Variants in SHB observed in about 807,000 individuals in gnomAD.
SHB encodes the protein SH2 domain containing adaptor protein B.
SHB carries 20 observed loss-of-function variants against 52.3 expected under a neutral mutation model. That is an observed-to-expected ratio of 0.38 (90% CI 0.27 to 0.56). SHB has a LOEUF of 0.56. Ranked by LOEUF, SHB falls within the 20% of genes least tolerant of loss-of-function variation. The probability of loss-of-function intolerance (pLI) is 0.71; values close to 1 mark genes in which losing one functional copy is unlikely to be tolerated. For missense variants in SHB, 825 were observed against 723.3 expected (o/e 1.14, Z -1.61); for synonymous variants, 397 against 316.5 (o/e 1.25, Z -2.70).
intron 2 of SHB, among the ~76,000 whole-genome samples, chr9:37,997,259 C>T (rs914481865): frequency 4.6e-5 from 7 of 152,198 alleles, no homozygotes; most frequent in African/African-American, 1.7e-4. Context: ...TACATGACAC[C>T]CACCTCTGAG....
chr9:37,928,845 C>T (rs1458991324), intron 5 of SHB, among the ~76,000 whole-genome samples: 4 of 152,238 alleles, frequency 2.6e-5, no homozygotes, highest in African/African-American at 4.8e-5. Context: ...AGGACAGGAC[C>T]CCCTAGTCCC....
chr9:38,006,684 C>T (rs149182169), intron 2 of SHB, among the ~76,000 whole-genome samples: 17 of 152,326 alleles, frequency 1.1e-4, no homozygotes, highest in African/African-American at 3.8e-4. Context: ...GGCCTGAGCC[C>T]TCGCTGACAA....
intron 1 of SHB, among the ~76,000 whole-genome samples, chr9:38,016,419 C>T (rs1021027920): frequency 1.3e-5 from 2 of 152,178 alleles, no homozygotes; most frequent in Non-Finnish European, 2.9e-5. Flanking sequence ...GGTAACAATG[C>T]ACACTAAGCA....
intron 4 of SHB, among the ~76,000 whole-genome samples, chr9:37,952,152 CAG>C (rs142445683): frequency 0.025 from 3,788 of 152,256 alleles, 69 homozygotes; most frequent in African/African-American, 0.054. Context: ...GAAGAGTCAA[CAG>C]AGAGATACAG....
At chr9:38,062,514 T>A (rs1029919626) in intron 1 of SHB, among the ~76,000 whole-genome samples, 2 of 151,996 alleles carry the variant, frequency 1.3e-5, no homozygotes, top group Non-Finnish European at 2.9e-5. Context: ...TCCTGCTTTT[T>A]CTTGGAACCC....
At chr9:38,022,411 G>A (rs1403231662) in intron 1 of SHB, among the ~76,000 whole-genome samples, 1 of 152,242 alleles carries the variant, frequency 6.6e-6, no homozygotes, top group Non-Finnish European at 1.5e-5. Flanking sequence ...ACACAGGCCT[G>A]TCATTGACTG....
At chr9:37,962,406 A>G (rs1251597668) in intron 3 of SHB, among the ~76,000 whole-genome samples, 1 of 152,242 alleles carries the variant, frequency 6.6e-6, no homozygotes, top group East Asian at 1.9e-4. Flanking sequence ...CACCTGGCTC[A>G]GCAGGACTGT....
chr9:37,966,416 T>C (rs543366386), intron 3 of SHB, among the ~76,000 whole-genome samples: 14 of 152,200 alleles, frequency 9.2e-5, no homozygotes, highest in Admixed American at 3.3e-4. Flanking sequence ...TTAAGATTAC[T>C]AAATGAATTT....
At chr9:38,022,034 C>T (rs1473436588) in intron 1 of SHB, among the ~76,000 whole-genome samples, 2 of 152,202 alleles carry the variant, frequency 1.3e-5, no homozygotes, top group African/African-American at 4.8e-5. Flanking sequence ...CAAAGCAAAC[C>T]GCATATGAAT....
chr9:37,987,821 G>C (rs1820830169), intron 2 of SHB, among the ~76,000 whole-genome samples: 1 of 152,174 alleles, frequency 6.6e-6, no homozygotes, highest in African/African-American at 2.4e-5. Context: ...GCCAACACAG[G>C]CTGCTGGTGC....
At chr9:37,967,883 C>T (rs1362547259) in intron 3 of SHB, among the ~76,000 whole-genome samples, 1 of 152,210 alleles carries the variant, frequency 6.6e-6, no homozygotes, top group African/African-American at 2.4e-5. Flanking sequence ...GCCCTGGGGA[C>T]CCTCTCCCAC....
intron 1 of SHB, among the ~76,000 whole-genome samples, chr9:38,045,398 C>T (rs896514463): frequency 1.3e-5 from 2 of 151,928 alleles, no homozygotes; most frequent in African/African-American, 4.8e-5. Context: ...GCCAGGAGTT[C>T]GAGACCAGCT....
At position 38,068,599 on chromosome 9, in the gene SHB, G is replaced by A. The variant is rs762995098; in HGVS notation, c.47C>T (p.Thr16Ile). 6.7e-7 allele frequency: 1 copy of A among 1,495,236 alleles called. No homozygotes were observed. Among genetic ancestry groups the A allele is most frequent in the Non-Finnish European group, 8.8e-7 (1 of 1,133,634 alleles). The allele number at this position is 1,495,236 out of a possible 1,614,324, so 92.6% of individuals were successfully genotyped here. ...CCGCGGCGGCTGCGGGGGGCTCTTG[G>A]TCTTGCTGTTGCCCAAGCTGAAGTA... is the stretch of plus-strand genomic sequence containing the variant. ...NKYFSLGNSK[T>I]KSPPQPPRPD... is the part of the protein sequence containing the mutation. Residue 16 changes from threonine (T) to isoleucine (I), a missense_variant, in exon 1 of 6, where the codon ACC (threonine) becomes ATC (isoleucine). Thr to Ile is a moderately conservative substitution (Grantham distance 89). Transcript: ENST00000377707.
At chr9:37,967,669 TGG>T (rs896518950) in intron 3 of SHB, among the ~76,000 whole-genome samples, 5 of 152,228 alleles carry the variant, frequency 3.3e-5, no homozygotes, top group African/African-American at 1.2e-4. Flanking sequence ...CAGCATCACC[TGG>T]GAACCTGTTG....
intron 5 of SHB, among the ~76,000 whole-genome samples, chr9:37,944,823 T>C (rs570745549): frequency 6.6e-6 from 1 of 152,256 alleles, no homozygotes; most frequent in South Asian, 2.1e-4. Context: ...CTCTTGAAGG[T>C]TCAGGTGCAG....
At chr9:37,921,867 G>A (rs768972142) in intron 5 of SHB, among the ~76,000 whole-genome samples, 1 of 152,220 alleles carries the variant, frequency 6.6e-6, no homozygotes, top group Non-Finnish European at 1.5e-5. Flanking sequence ...TAAGTAATGC[G>A]CTGAAACTGT....
At chr9:38,020,110 T>C (rs1821264084) in intron 1 of SHB, among the ~76,000 whole-genome samples, 2 of 152,214 alleles carry the variant, frequency 1.3e-5, no homozygotes, top group African/African-American at 4.8e-5. Flanking sequence ...GGGAAGGACT[T>C]GGAATGGGGT....
chr9:37,965,638 C>T (rs979510517), intron 3 of SHB, among the ~76,000 whole-genome samples: 3 of 150,354 alleles, frequency 2.0e-5, no homozygotes, highest in East Asian at 2.0e-4. Context: ...GTGAGTGGCA[C>T]GATTTCGGCT....
chr9:37,932,110 C>T (rs574803849), intron 5 of SHB, among the ~76,000 whole-genome samples: 3 of 151,752 alleles, frequency 2.0e-5, no homozygotes, highest in African/African-American at 2.4e-5. Flanking sequence ...GATGAAACCC[C>T]GTCTCTACTA....
Sources: allele counts gnomAD v4.1 joint callset (sites outside exome capture counted in the v4.1 genomes callset), GRCh38; gene constraint gnomAD v4.1.1; transcripts MANE v1.5; gene names NCBI Gene and HGNC (gene_info 2026-07-23, HGNC 2026-07-21).